Variants in CORO2B observed in about 807,000 individuals in gnomAD.
The protein encoded by CORO2B is coronin 2B.
In CORO2B, 26 loss-of-function variants were observed where a neutral mutation model predicts 58.8. That is an observed-to-expected ratio of 0.44 (90% CI 0.32 to 0.61). CORO2B has a LOEUF of 0.61. Ranked by LOEUF, CORO2B falls within the 20% of genes least tolerant of loss-of-function variation. The pLI is 0.04. For synonymous variants in CORO2B, 242 were observed against 253.8 expected (o/e 0.95, Z 0.44); for missense variants, 460 against 645.1 (o/e 0.71, Z 3.11).
At chr15:68,523,352 T>C in the CORO2B span, among the ~76,000 whole-genome samples, 2 of 151,988 alleles carry the variant, frequency 1.3e-5, no homozygotes, top group East Asian at 1.9e-4. Context: ...CACGACTCCA[T>C]GCCTAACTAA....
intron 2 of CORO2B, among the ~76,000 whole-genome samples, chr15:68,659,213 T>C (rs1901930494): frequency 6.6e-6 from 1 of 152,152 alleles, no homozygotes; most frequent in Admixed American, 6.5e-5. Flanking sequence ...TATTTATATG[T>C]ACATACTTAA....
At chr15:68,531,223 A>G in the CORO2B span, among the ~76,000 whole-genome samples, 2 of 152,124 alleles carry the variant, frequency 1.3e-5, no homozygotes, top group Non-Finnish European at 2.9e-5. Context: ...GCTCACGCCT[A>G]TAATCCCAGC....
chr15:68,678,831 T>C (rs1477147025), intron 2 of CORO2B, among the ~76,000 whole-genome samples: 1 of 152,168 alleles, frequency 6.6e-6, no homozygotes, highest in African/African-American at 2.4e-5. Flanking sequence ...TCATTGCCGG[T>C]CCTCCAGTGC....
At chr15:68,629,173 T>C (rs1277531255) in intron 1 of CORO2B, among the ~76,000 whole-genome samples, 1 of 152,174 alleles carries the variant, frequency 6.6e-6, no homozygotes, top group Non-Finnish European at 1.5e-5. Context: ...CTGCTCCACA[T>C]TGGAAATTCT....
At chr15:68,598,466 A>C (rs762208051) in intron 1 of CORO2B, among the ~76,000 whole-genome samples, 4 of 152,238 alleles carry the variant, frequency 2.6e-5, no homozygotes, top group African/African-American at 4.8e-5. Flanking sequence ...CAAGGGCAGC[A>C]GTCCAATTTT....
chr15:68,531,972 C>A, the CORO2B span, among the ~76,000 whole-genome samples: 1 of 151,654 alleles, frequency 6.6e-6, no homozygotes, highest in Non-Finnish European at 1.5e-5. Flanking sequence ...TCTTTTAGCA[C>A]CTTAAAAATG....
At chr15:68,714,134 A>C (rs1892980177) in intron 6 of CORO2B, 93 bp downstream of exon 6, 2 of 786,986 alleles carry the variant, frequency 2.5e-6, no homozygotes, top group Non-Finnish European at 2.1e-6. Flanking sequence ...CTGGGCCCGC[A>C]CACCAGCTTC....
chr15:68,522,078 G>C, the CORO2B span, among the ~76,000 whole-genome samples: 1 of 152,054 alleles, frequency 6.6e-6, no homozygotes, highest in East Asian at 1.9e-4. Flanking sequence ...CAAAGTGCTG[G>C]GATTGCAGGC....
At chr15:68,722,954 CT>C (rs1378931011) in intron 11 of CORO2B, among the ~76,000 whole-genome samples, 1 of 151,836 alleles carries the variant, frequency 6.6e-6, no homozygotes, top group Admixed American at 6.6e-5. Flanking sequence ...GTAATCCCAG[CT>C]ACTCGGGAGG....
intron 1 of CORO2B, among the ~76,000 whole-genome samples, chr15:68,594,954 G>T (rs1201345794): frequency 6.6e-6 from 1 of 152,194 alleles, no homozygotes; most frequent in Non-Finnish European, 1.5e-5. Context: ...TCTCTGGATT[G>T]TTTTTTTCCA....
rs1458830650 is a variant in CORO2B at position 68,579,686 on chromosome 15, C to G, written c.15+409C>G. On this transcript the variant is annotated intron_variant, in intron 1 of 11. Coordinates refer to ENST00000261861, the MANE Select transcript of CORO2B (RefSeq NM_006091.5). ...GGGTGTGGGGATGGGCCTGCCGCCC[C>G]GAGGAGGCCAGCGGAGGGGAAACCC... Among the ~76,000 whole-genome samples the G allele has an allele frequency of 3.9e-5, 6 of 152,186 alleles. No homozygotes were observed. In the East Asian group the frequency reaches 7.7e-4, roughly 20 times the overall value.
At chr15:68,594,080 CA>C (rs1899769266) in intron 1 of CORO2B, among the ~76,000 whole-genome samples, 2 of 152,128 alleles carry the variant, frequency 1.3e-5, no homozygotes, top group African/African-American at 4.8e-5. Flanking sequence ...GTTCTGGATC[CA>C]AGAATAATGT....
At chr15:68,532,821 T>C in the CORO2B span, among the ~76,000 whole-genome samples, 2 of 152,224 alleles carry the variant, frequency 1.3e-5, no homozygotes, top group Non-Finnish European at 2.9e-5. Context: ...TTTAAATCTT[T>C]ATTAGGGCAG....
At chr15:68,723,286 T>A (rs1893210887) in intron 11 of CORO2B, among the ~76,000 whole-genome samples, 1 of 149,734 alleles carries the variant, frequency 6.7e-6, no homozygotes, top group Admixed American at 6.7e-5. Context: ...CATGCCTGGT[T>A]AATTTTTGCA....
the CORO2B span, among the ~76,000 whole-genome samples, chr15:68,557,230 A>T: frequency 6.6e-6 from 1 of 152,330 alleles, no homozygotes. Context: ...TATAGAGCTG[A>T]ATCTTGAACA....
chr15:68,583,586 G>A (rs1417995010), intron 1 of CORO2B, among the ~76,000 whole-genome samples: 1 of 152,198 alleles, frequency 6.6e-6, no homozygotes, highest in African/African-American at 2.4e-5. Flanking sequence ...AAGAAGCATT[G>A]CGGGAGTGGG....
intron 1 of CORO2B, among the ~76,000 whole-genome samples, chr15:68,636,129 T>C (rs903780700): frequency 2.6e-5 from 4 of 152,158 alleles, no homozygotes; most frequent in African/African-American, 4.8e-5. Context: ...GGATGCAGGA[T>C]ATAATGAATG....
At chr15:68,557,468 G>C in the CORO2B span, among the ~76,000 whole-genome samples, 1 of 152,132 alleles carries the variant, frequency 6.6e-6, no homozygotes, top group East Asian at 1.9e-4. Context: ...AGGTTCAGCG[G>C]CCAGTCTATC....
At chr15:68,626,325 G>GA (rs1377551521) in intron 1 of CORO2B, among the ~76,000 whole-genome samples, 5 of 151,992 alleles carry the variant, frequency 3.3e-5, no homozygotes, top group Non-Finnish European at 7.4e-5. Flanking sequence ...TTTGATTTTT[G>GA]AAAAATCAAA....
Sources: gnomAD v4.1 joint callset for allele counts (sites outside exome capture counted in the v4.1 genomes callset) on GRCh38, gnomAD v4.1.1 for gene constraint, MANE v1.5 for transcripts, NCBI Gene and HGNC (gene_info 2026-07-23, HGNC 2026-07-21) for gene names.